Variants in TMEM127 observed in about 807,000 individuals in gnomAD.
TMEM127 encodes transmembrane protein 127.
A neutral mutation model predicts 20.1 loss-of-function variants in TMEM127; 21 were observed. That is an observed-to-expected ratio of 1.04 (90% CI 0.74 to 1.50). The LOEUF is 1.50. Among genes scored for constraint, TMEM127 ranks in the 40% most tolerant of loss-of-function variants. The pLI, the probability that TMEM127 is intolerant of heterozygous loss-of-function variation, is 0.00. For missense variants in TMEM127, 303 were observed against 317.4 expected (o/e 0.95, Z 0.34); for synonymous variants, 150 against 144.7 (o/e 1.04, Z -0.26).
chr2:96,254,721 G>C, intron 3 of TMEM127, 112 bp downstream of exon 3: 4 of 1,365,322 alleles, frequency 2.9e-6, no homozygotes, highest in Non-Finnish European at 4.2e-6. Flanking sequence ...TGGCACATGA[G>C]CTCCTGGAAG....
chr2:96,253,510 A>T lies in TMEM127; in HGVS notation c.*298T>A. On this transcript the variant is annotated 3_prime_UTR_variant, in exon 4 of 4. Transcript: ENST00000258439. The surrounding 1 kb of genome is among the most constrained non-coding windows in gnomAD (Gnocchi z 4.3). ...CAAGGAAAGTCTCGGTCCCAAAGATATCGCCCATGCTGGAGGAAACTTGGA... is the reference window on the plus strand; with the variant it reads ...CAAGGAAAGTCTCGGTCCCAAAGATTTCGCCCATGCTGGAGGAAACTTGGA... 1 of 452,426 alleles carries T rather than the reference A, an allele frequency of 2.2e-6. No individual in the cohort carries two copies. The highest frequency in any genetic ancestry group is 4.0e-6 in the Non-Finnish European group (1 of 250,758). 28.0% of individuals were successfully genotyped at this position (452,426 alleles called of 1,614,324 possible). A position where few individuals can be genotyped will look rare whatever the true frequency, so the allele number is the denominator to read the frequency against.
At chr2:96,256,731 T>C (rs1367373806) in intron 2 of TMEM127, among the ~76,000 whole-genome samples, 1 of 152,128 alleles carries the variant, frequency 6.6e-6, no homozygotes, top group Non-Finnish European at 1.5e-5. Context: ...TTAGGAAAGT[T>C]GGTAGACTAT....
Position 96,252,275 on chromosome 2 carries a change from T to C in TMEM127, c.*1533A>G, listed in dbSNP as rs967729018. ...CATAGTGTTGTCCATTCTCCAGTCTTGCTCAAACTATCTATCACCTTAAAG... is the reference window on the plus strand; with the variant it reads ...CATAGTGTTGTCCATTCTCCAGTCTCGCTCAAACTATCTATCACCTTAAAG... On this transcript the variant is annotated 3_prime_UTR_variant, in exon 4 of 4. Transcript: ENST00000258439. The surrounding 1 kb of genome is among the most constrained non-coding windows in gnomAD (Gnocchi z 4.2). 1.2e-4 allele frequency: 27 copies of C among 233,134 alleles called. No individual in the cohort carries two copies. The highest frequency in any genetic ancestry group is 1.9e-4 in the Non-Finnish European group (23 of 118,018). The allele number at this position is 233,134 out of a possible 1,614,324, so 14.4% of individuals were successfully genotyped here. A position where few individuals can be genotyped will look rare whatever the true frequency, so the allele number is the denominator to read the frequency against.
chr2:96,257,709 T>C (rs1684239063), intron 2 of TMEM127, among the ~76,000 whole-genome samples: 1 of 152,088 alleles, frequency 6.6e-6, no homozygotes, highest in South Asian at 2.1e-4. Flanking sequence ...AGGTCAGCAG[T>C]TTGAGACCAG....
intron 2 of TMEM127, among the ~76,000 whole-genome samples, chr2:96,258,091 G>A (rs1442950267): frequency 6.6e-6 from 1 of 152,204 alleles, no homozygotes; most frequent in Non-Finnish European, 1.5e-5. Flanking sequence ...CTGAGAGGGT[G>A]TGGGGTGTGA....
rs919133910 is a variant in TMEM127, at chr2:96,249,528, CAGA to C, written c.*4277_*4279del. 1.3e-5 allele frequency: 3 copies of C among 228,560 alleles called. No individual in the cohort carries two copies. The highest frequency in any genetic ancestry group is 2.2e-5 in the African/African-American group (1 of 45,182). 14.2% of individuals were successfully genotyped at this position (228,560 alleles called of 1,614,324 possible). ...AATCCCAACCCTTTGGGAAGGGAGG[CAGA>C]AGGATTGCCTGAAGCCAGTAGTTTG... On this transcript the variant is annotated 3_prime_UTR_variant, in exon 4 of 4. Transcript: ENST00000258439.
intron 2 of TMEM127, 54 bp downstream of exon 2, chr2:96,265,084 G>C (rs1329790961): frequency 1.2e-6 from 2 of 1,607,044 alleles, no homozygotes; most frequent in African/African-American, 2.7e-5. Context: ...GCTTCAGCCA[G>C]AACACATTCT....
At position 96,265,487 on chromosome 2, in the gene TMEM127, T is replaced by A; in HGVS notation, c.-106A>T. ...GGTGGAGGATAGCAACGCTCCGGGTTCGCTGCAGGTGAAGCCGGGACTGGG... is the reference window on the plus strand; with the variant it reads ...GGTGGAGGATAGCAACGCTCCGGGTACGCTGCAGGTGAAGCCGGGACTGGG... On this transcript the variant is annotated 5_prime_UTR_variant, in exon 2 of 4. Transcript: ENST00000258439. 1.6e-6 allele frequency: 2 copies of A among 1,261,794 alleles called. No individual in the cohort carries two copies. The highest frequency in any genetic ancestry group is 2.0e-6 in the Non-Finnish European group (2 of 1,004,590). The allele number at this position is 1,261,794 out of a possible 1,614,324, so 78.2% of individuals were successfully genotyped here. A position where few individuals can be genotyped will look rare whatever the true frequency, so the allele number is the denominator to read the frequency against.
rs1684021247 is a variant in TMEM127, at chr2:96,248,655, C to T, written c.*5153G>A. 4.4e-6 allele frequency: 1 copy of T among 225,664 alleles called. No individual in the cohort carries two copies. Among genetic ancestry groups the T allele is most frequent in the African/African-American group, 2.2e-5 (1 of 44,914 alleles). 14.0% of individuals were successfully genotyped at this position (225,664 alleles called of 1,614,324 possible). On this transcript the variant is annotated 3_prime_UTR_variant, in exon 4 of 4. Coordinates refer to ENST00000258439, the MANE Select transcript of TMEM127 (RefSeq NM_017849.4). ...GAGGGAAGTGAAGCCATGGGGGCAT[C>T]TGGGGCTACATGGTCTATCTCGCTA... is the stretch of plus-strand genomic sequence containing the variant.
At chr2:96,261,839 G>A (rs1241092478) in intron 2 of TMEM127, among the ~76,000 whole-genome samples, 2 of 152,186 alleles carry the variant, frequency 1.3e-5, no homozygotes, top group Admixed American at 1.3e-4. Context: ...CATGGGGTGT[G>A]CTTAGCATAA....
intron 2 of TMEM127, among the ~76,000 whole-genome samples, chr2:96,263,385 G>T (rs1684350395): frequency 7.6e-6 from 1 of 131,312 alleles, no homozygotes; most frequent in Non-Finnish European, 1.6e-5. Context: ...TTTTTGAGAT[G>T]GAGTTTCGCT....
rs1348713413 is a variant in TMEM127 at position 96,252,189 on chromosome 2, G to C, written c.*1619C>G. 2 of 233,234 alleles carry C rather than the reference G, an allele frequency of 8.6e-6. No homozygotes were observed. The highest frequency in any genetic ancestry group is 1.7e-5 in the Non-Finnish European group (2 of 118,118). The allele number at this position is 233,234 out of a possible 1,614,324, so 14.4% of individuals were successfully genotyped here. ...CACCACCCATGCAGGCATCTGTCCG[G>C]ACATCCCCAGTCAATCTGGCCAAAG... On this transcript the variant is annotated 3_prime_UTR_variant, in exon 4 of 4. Transcript: ENST00000258439. The surrounding 1 kb of genome is among the most constrained non-coding windows in gnomAD (Gnocchi z 4.2).
rs965436978 is a variant in TMEM127, at chr2:96,249,376, G to A, written c.*4432C>T. 4 of 215,726 alleles carry A rather than the reference G, an allele frequency of 1.9e-5. No homozygotes were observed. Among genetic ancestry groups the A allele is most frequent in the South Asian group, 1.9e-4 (1 of 5,364 alleles). 13.4% of individuals were successfully genotyped at this position (215,726 alleles called of 1,614,324 possible). A position where few individuals can be genotyped will look rare whatever the true frequency, so the allele number is the denominator to read the frequency against. Reference sequence around the variant, plus strand: ...CTCCCAAAGTGCTGGGATAATAGGCGTGAGCCACCGCACCCGGCCAGAACT... The same window carrying A: ...CTCCCAAAGTGCTGGGATAATAGGCATGAGCCACCGCACCCGGCCAGAACT... On this transcript the variant is annotated 3_prime_UTR_variant, in exon 4 of 4. Coordinates refer to ENST00000258439, the MANE Select transcript of TMEM127 (RefSeq NM_017849.4).
intron 2 of TMEM127, among the ~76,000 whole-genome samples, chr2:96,258,308 G>C (rs1684250249): frequency 6.6e-6 from 1 of 152,210 alleles, no homozygotes; most frequent in South Asian, 2.1e-4. Flanking sequence ...TGGACTGATG[G>C]GGGAAAGTCC....
chr2:96,256,004 A>G (rs552309701), intron 2 of TMEM127, among the ~76,000 whole-genome samples: 5 of 152,000 alleles, frequency 3.3e-5, no homozygotes, highest in Admixed American at 6.6e-5. Flanking sequence ...CAGGCATGGT[A>G]GCTCACGCCT....
At position 96,254,132 on chromosome 2, in the gene TMEM127, C is replaced by A; in HGVS notation, c.410-17G>T. 1 of 1,612,774 alleles carries A rather than the reference C, an allele frequency of 6.2e-7. No homozygotes were observed. Among genetic ancestry groups the A allele is most frequent in the South Asian group, 1.1e-5 (1 of 91,084 alleles). ...ACTGCAGAACTAGGAGACAGAGGGA[C>A]AGCACAGAAGGGGAATTAGTGAGCA... is the stretch of plus-strand genomic sequence containing the variant. On this transcript the variant is annotated splice_polypyrimidine_tract_variant and intron_variant, in intron 3 of 3. Transcript: ENST00000258439.
In TMEM127 at chr2:96,252,721, G is replaced by T; in HGVS notation, c.*1087C>A. Reference sequence around the variant, plus strand: ...GGTGGTGGGTTCCTGCCCTGTTGTGGCCCCTGTTCCTAAACTGAGGCCAGG... The same window carrying T: ...GGTGGTGGGTTCCTGCCCTGTTGTGTCCCCTGTTCCTAAACTGAGGCCAGG... On this transcript the variant is annotated 3_prime_UTR_variant, in exon 4 of 4. Transcript: ENST00000258439. The surrounding 1 kb of genome is among the most constrained non-coding windows in gnomAD (Gnocchi z 4.2). 4.3e-6 allele frequency: 1 copy of T among 233,892 alleles called. No individual in the cohort carries two copies. The highest frequency in any genetic ancestry group is 8.5e-6 in the Non-Finnish European group (1 of 118,202). The allele number at this position is 233,892 out of a possible 1,614,324, so 14.5% of individuals were successfully genotyped here.
chr2:96,265,183 C>G lies in TMEM127; in HGVS notation c.199G>C (p.Gly67Arg). ...ACATAGCCCAACACGTCGGAGACCC[C>G]CAGCTCCTGGCGCGAACAGGTGCCT... ...HGGTCSRQEL[G>R]VSDVLGYVHP... Residue 67 changes from glycine (G) to arginine (R), a missense_variant, in exon 2 of 4, where the codon GGG becomes CGG. Physicochemically the swap from Gly to Arg is moderately radical, Grantham distance 125. Coordinates refer to ENST00000258439, the MANE Select transcript of TMEM127 (RefSeq NM_017849.4). The G allele has an allele frequency of 6.2e-7, 1 of 1,610,512 alleles. No individual in the cohort carries two copies. The highest frequency in any genetic ancestry group is 8.5e-7 in the Non-Finnish European group (1 of 1,179,310).
Position 96,253,758 on chromosome 2 carries a change from G to A in TMEM127, c.*50C>T, listed in dbSNP as rs72937654. On this transcript the variant is annotated 3_prime_UTR_variant, in exon 4 of 4. Transcript: ENST00000258439. This position sits in a 1 kb window ranked among gnomAD's most constrained non-coding sequence, Gnocchi z 4.3. The stretch of plus-strand genomic sequence containing the variant: ...AGGAGCTCCTCTGGGTGCGAGAGGA[G>A]CTGCAGAGTTGAGGGAGGGGCTGCC... 2,121 of 1,569,892 alleles carry A rather than the reference G, an allele frequency of 1.4e-3. 24 individuals are homozygous for A. The African/African-American group carries it at 0.024, about 18-fold the overall frequency.
Sources: allele counts gnomAD v4.1 joint callset (sites outside exome capture counted in the v4.1 genomes callset), GRCh38; gene constraint gnomAD v4.1.1; non-coding constraint Gnocchi (gnomAD v3.1); transcripts MANE v1.5; gene names NCBI Gene and HGNC (gene_info 2026-07-23, HGNC 2026-07-21).